Variants in MATCAP2 observed in about 807,000 individuals in gnomAD.
The protein encoded by MATCAP2 is microtubule associated tyrosine carboxypeptidase 2, also known as putative tyrosine carboxypeptidase MATCAP2.
At chr7:36,374,550 A>T in the MATCAP2 span, among the ~76,000 whole-genome samples, 3 of 151,978 alleles carry the variant, frequency 2.0e-5, no homozygotes, top group East Asian at 1.9e-4. Context: ...TTATTTTTTA[A>T]AATTATATTT....
At chr7:36,378,545 A>T in the MATCAP2 span, among the ~76,000 whole-genome samples, 1,485 of 152,338 alleles carry the variant, frequency 9.7e-3, 22 homozygotes, top group Middle Eastern at 0.054. Flanking sequence ...GTTAGGCTAC[A>T]TGGGGTTCAG....
chr7:36,377,795 C>T, the MATCAP2 span, among the ~76,000 whole-genome samples: 11 of 152,228 alleles, frequency 7.2e-5, no homozygotes, highest in African/African-American at 2.6e-4. Context: ...AGGCTTTGTT[C>T]GTTTCTTTTT....
the MATCAP2 span, chr7:36,366,676 T>C: frequency 2.7e-5 from 41 of 1,533,590 alleles, no homozygotes; most frequent in Non-Finnish European, 3.6e-5. Context: ...TACAATCTTT[T>C]CCACGAGATT....
the MATCAP2 span, chr7:36,336,003 C>T: frequency 9.5e-6 from 4 of 419,088 alleles, no homozygotes; most frequent in East Asian, 4.5e-5. Context: ...ACCCAGGAGG[C>T]GGAGGTTGCA....
the MATCAP2 span, among the ~76,000 whole-genome samples, chr7:36,336,950 G>C: frequency 6.6e-6 from 1 of 151,004 alleles, no homozygotes; most frequent in Non-Finnish European, 1.5e-5. Context: ...TAAAAAAATA[G>C]CCAGACATGG....
chr7:36,328,784 G>A, the MATCAP2 span, among the ~76,000 whole-genome samples: 11 of 151,828 alleles, frequency 7.2e-5, no homozygotes, highest in Admixed American at 6.6e-4. Flanking sequence ...GGTGGCTCAC[G>A]CCTGTAATCC....
chr7:36,354,462 G>A, the MATCAP2 span, among the ~76,000 whole-genome samples: 2 of 152,228 alleles, frequency 1.3e-5, no homozygotes, highest in Non-Finnish European at 2.9e-5. Context: ...TTCAGATTGT[G>A]AAACTCAAGA....
the MATCAP2 span, among the ~76,000 whole-genome samples, chr7:36,360,970 C>T: frequency 6.6e-6 from 1 of 152,182 alleles, no homozygotes; most frequent in Non-Finnish European, 1.5e-5. Flanking sequence ...TATAAGCAAT[C>T]TGTTTCACTA....
chr7:36,381,000 A>T, the MATCAP2 span, among the ~76,000 whole-genome samples: 8 of 152,174 alleles, frequency 5.3e-5, no homozygotes, highest in Non-Finnish European at 1.2e-4. Context: ...TTCAAAATAG[A>T]TTGAGCTACG....
chr7:36,378,321 T>C, the MATCAP2 span, among the ~76,000 whole-genome samples: 5 of 152,220 alleles, frequency 3.3e-5, no homozygotes, highest in Non-Finnish European at 5.9e-5. Flanking sequence ...GTTTTCCTTC[T>C]AACAGTCAGG....
chr7:36,330,082 T>A, the MATCAP2 span, among the ~76,000 whole-genome samples: 1 of 149,920 alleles, frequency 6.7e-6, no homozygotes, highest in African/African-American at 2.4e-5. Context: ...TTTATTTATT[T>A]ATTTATTTAT....
the MATCAP2 span, chr7:36,383,967 G>A: frequency 1.5e-5 from 17 of 1,142,468 alleles, no homozygotes; most frequent in East Asian, 3.4e-4. Flanking sequence ...GTATTACTTT[G>A]TGAATTAAGT....
chr7:36,349,697 C>T, the MATCAP2 span, among the ~76,000 whole-genome samples: 5 of 152,176 alleles, frequency 3.3e-5, no homozygotes, highest in African/African-American at 1.2e-4. Flanking sequence ...ATTCTTTCAC[C>T]ACCTACAAGG....
chr7:36,383,958 T>A, the MATCAP2 span: 12 of 1,312,338 alleles, frequency 9.1e-6, no homozygotes, highest in African/African-American at 1.5e-5. Context: ...TGTGTTATTG[T>A]ATTACTTTGT....
At chr7:36,347,237 T>C in the MATCAP2 span, among the ~76,000 whole-genome samples, 1 of 152,208 alleles carries the variant, frequency 6.6e-6, no homozygotes, top group African/African-American at 2.4e-5. Flanking sequence ...TATATAAAAC[T>C]TTCAACACTT....
chr7:36,383,425 A>G, the MATCAP2 span, among the ~76,000 whole-genome samples: 1 of 152,322 alleles, frequency 6.6e-6, no homozygotes, highest in East Asian at 1.9e-4. Context: ...AATGCCCATC[A>G]ATGATAGACT....
the MATCAP2 span, chr7:36,326,516 A>AT: frequency 3.4e-6 from 1 of 291,552 alleles, no homozygotes; most frequent in Non-Finnish European, 6.3e-6. Flanking sequence ...CAGCAGTAGT[A>AT]TTTTCATCTG....
At chr7:36,370,122 ACT>A in the MATCAP2 span, among the ~76,000 whole-genome samples, 1 of 152,260 alleles carries the variant, frequency 6.6e-6, no homozygotes, top group South Asian at 2.1e-4. Flanking sequence ...TAAAACTTGT[ACT>A]GTTACCAGCT....
the MATCAP2 span, among the ~76,000 whole-genome samples, chr7:36,370,485 T>G: frequency 6.6e-6 from 1 of 152,214 alleles, no homozygotes; most frequent in Non-Finnish European, 1.5e-5. Context: ...TATTTATTTA[T>G]TTTTCCTTTT....
Sources: allele counts gnomAD v4.1 joint callset (sites outside exome capture counted in the v4.1 genomes callset), GRCh38; gene constraint gnomAD v4.1.1; transcripts MANE v1.5; gene names NCBI Gene and HGNC (gene_info 2026-07-23, HGNC 2026-07-21).